The following PVT1 variants were observed in gnomAD, a reference collection of about 807,000 sequenced individuals.
PVT1 encodes CXCR4/PVT1 fusion.
At chr8:127,980,241 T>C (rs11993333) in intron 3 of PVT1, among the ~76,000 whole-genome samples, 71,995 of 151,928 alleles carry the variant, frequency 0.47, 18,346 homozygotes, top group South Asian at 0.7. Context: ...GCACACAGTA[T>C]TGGGGGGAAT....
At chr8:127,896,876 A>G (rs1194129518) in intron 3 of PVT1, among the ~76,000 whole-genome samples, 3 of 147,990 alleles carry the variant, frequency 2.0e-5, no homozygotes. Context: ...CTCTGAATCT[A>G]TTTGTTACTC....
intron 3 of PVT1, among the ~76,000 whole-genome samples, chr8:127,913,518 T>G (rs1815936181): frequency 6.6e-6 from 1 of 152,158 alleles, no homozygotes; most frequent in Non-Finnish European, 1.5e-5. Context: ...CAGTTAAGCC[T>G]GGGTTCTGTT....
At chr8:127,884,748 A>G (rs181581925) in intron 2 of PVT1, among the ~76,000 whole-genome samples, 14 of 152,334 alleles carry the variant, frequency 9.2e-5, no homozygotes, top group Non-Finnish European at 1.8e-4. Context: ...AAGCATTATG[A>G]TTTCATGATA....
intron 2 of PVT1, among the ~76,000 whole-genome samples, chr8:127,884,026 A>G (rs896789733): frequency 6.6e-6 from 1 of 152,280 alleles, no homozygotes; most frequent in East Asian, 1.9e-4. Flanking sequence ...AATAATGTGC[A>G]TGGAGAAAAG....
intron 2 of PVT1, among the ~76,000 whole-genome samples, chr8:127,818,619 G>A (rs1814693671): frequency 6.6e-6 from 1 of 152,156 alleles, no homozygotes. Flanking sequence ...CTGTTGGAAG[G>A]CAATCATGCA....
intron 2 of PVT1, among the ~76,000 whole-genome samples, chr8:127,882,632 C>A (rs546878221): frequency 3.3e-5 from 5 of 152,134 alleles, no homozygotes; most frequent in Admixed American, 6.5e-5. Context: ...TACAGGTGCC[C>A]GCCACCACGC....
chr8:127,980,657 C>T (rs779710749), intron 3 of PVT1, among the ~76,000 whole-genome samples: 2 of 152,198 alleles, frequency 1.3e-5, no homozygotes, highest in African/African-American at 4.8e-5. Flanking sequence ...CCTGGAACTT[C>T]CCCAGGTGCC....
chr8:127,906,634 C>G (rs1051920709), intron 3 of PVT1, among the ~76,000 whole-genome samples: 4 of 152,054 alleles, frequency 2.6e-5, no homozygotes, highest in African/African-American at 9.7e-5. Flanking sequence ...GTTTTGCCAT[C>G]CGGAGAATCC....
intron 2 of PVT1, among the ~76,000 whole-genome samples, chr8:127,812,520 A>G (rs962505070): frequency 6.6e-6 from 1 of 151,670 alleles, no homozygotes; most frequent in Non-Finnish European, 1.5e-5. Flanking sequence ...TGTTCCCACC[A>G]CTGTACTCCA....
chr8:128,006,068 A>G (rs1425261386), intron 4 of PVT1, among the ~76,000 whole-genome samples: 2 of 150,590 alleles, frequency 1.3e-5, no homozygotes, highest in East Asian at 3.9e-4. Flanking sequence ...GCGCCACTGC[A>G]CTCCAGCCTC....
intron 2 of PVT1, among the ~76,000 whole-genome samples, chr8:127,849,313 G>A (rs1045154560): frequency 3.3e-5 from 5 of 152,110 alleles, no homozygotes; most frequent in Admixed American, 6.6e-5. Flanking sequence ...GAGCAGTTTG[G>A]TGACAAAGTG....
chr8:127,961,043 A>C (rs1816636977), intron 3 of PVT1, among the ~76,000 whole-genome samples: 1 of 151,828 alleles, frequency 6.6e-6, no homozygotes, highest in African/African-American at 2.4e-5. Flanking sequence ...CCATAGGCAC[A>C]CAGAAGGGCC....
At chr8:127,992,777 G>A (rs1817058030) in intron 4 of PVT1, among the ~76,000 whole-genome samples, 1 of 152,116 alleles carries the variant, frequency 6.6e-6, no homozygotes, top group South Asian at 2.1e-4. Flanking sequence ...TGCTCTTTTG[G>A]ACTCCTCTTC....
intron 5 of PVT1, among the ~76,000 whole-genome samples, chr8:128,093,508 G>C (rs533706775): frequency 2.2e-4 from 33 of 152,202 alleles, no homozygotes; most frequent in South Asian, 1.9e-3. Flanking sequence ...AGTGAACTGA[G>C]ATCGCGCCAT....
chr8:128,047,855 A>G (rs1460408114), intron 4 of PVT1, among the ~76,000 whole-genome samples: 1 of 152,224 alleles, frequency 6.6e-6, no homozygotes, highest in Non-Finnish European at 1.5e-5. Context: ...ACTTCACATC[A>G]TATATTATAA....
At chr8:127,797,785 G>A (rs1814414742) in intron 2 of PVT1, among the ~76,000 whole-genome samples, 1 of 152,064 alleles carries the variant, frequency 6.6e-6, no homozygotes, top group Non-Finnish European at 1.5e-5. Flanking sequence ...CTTGTTGTGG[G>A]GCAGGGTTGG....
At chr8:128,076,052 G>A (rs1473175821) in intron 5 of PVT1, among the ~76,000 whole-genome samples, 1 of 152,222 alleles carries the variant, frequency 6.6e-6, no homozygotes, top group African/African-American at 2.4e-5. Flanking sequence ...TCACAGTCTA[G>A]AGAAGTACCC....
At chr8:128,012,274 G>C (rs1817323142) in intron 4 of PVT1, among the ~76,000 whole-genome samples, 2 of 152,134 alleles carry the variant, frequency 1.3e-5, no homozygotes, top group Non-Finnish European at 2.9e-5. Flanking sequence ...GCTTGGACCT[G>C]GGTCTCTACT....
At chr8:127,859,484 C>T (rs1165380020) in intron 2 of PVT1, among the ~76,000 whole-genome samples, 1 of 152,100 alleles carries the variant, frequency 6.6e-6, no homozygotes, top group African/African-American at 2.4e-5. Flanking sequence ...CTAGACTGCT[C>T]CTCCTAAATA....
Sources: gnomAD v4.1 joint callset for allele counts (sites outside exome capture counted in the v4.1 genomes callset) on GRCh38, gnomAD v4.1.1 for gene constraint, MANE v1.5 for transcripts, NCBI Gene and HGNC (gene_info 2026-07-23, HGNC 2026-07-21) for gene names.